Variants in OSBP2 observed in about 807,000 individuals in gnomAD.
The protein encoded by OSBP2 is oxysterol binding protein 2.
Under a neutral mutation model 96.0 loss-of-function variants are expected in OSBP2, and 66 were observed. The observed-to-expected ratio is 0.69, with a 90% CI of 0.56 to 0.84. The LOEUF is 0.84. Ranked by LOEUF, OSBP2 falls within the 40% of genes least tolerant of loss-of-function variation. OSBP2 has a pLI of 0.00. For missense variants in OSBP2, 1,038 were observed against 1,222.7 expected (o/e 0.85, Z 2.25); for synonymous variants, 525 against 520.9 (o/e 1.01, Z -0.11).
rs146867118 is a variant in OSBP2 at position 30,809,723 on chromosome 22, G to A, written c.854-60706G>A. ...GAGCAGATGGTAATTTCAGTAAATT[G>A]TCCCCATAATGTCATGGAAGATGGA... On this transcript the variant is annotated intron_variant, in intron 2 of 13. Transcript: ENST00000332585. 2.5e-4 allele frequency among the ~76,000 whole-genome samples: 38 copies of A among 152,326 alleles called. 1 individual carries two copies. In the Middle Eastern group the frequency reaches 0.027, roughly 109 times the overall value.
chr22:30,741,403 G>A (rs1295428823), intron 2 of OSBP2, 34 bp downstream of exon 2: 4 of 1,539,570 alleles, frequency 2.6e-6, no homozygotes, highest in Non-Finnish European at 3.5e-6. Flanking sequence ...GTGTGTATAT[G>A]GTGGTGTCAT....
chr22:30,794,620 A>G (rs953959033), intron 2 of OSBP2, among the ~76,000 whole-genome samples: 4 of 151,766 alleles, frequency 2.6e-5, no homozygotes, highest in African/African-American at 9.7e-5. Flanking sequence ...ATATATTATA[A>G]TCTACTTTAA....
intron 2 of OSBP2, among the ~76,000 whole-genome samples, chr22:30,779,720 T>C (rs1455928048): frequency 6.6e-6 from 1 of 152,194 alleles, no homozygotes; most frequent in Non-Finnish European, 1.5e-5. Flanking sequence ...GTACCTTTTT[T>C]TCAAAGTATC....
chr22:30,879,142 G>A (rs989965673), intron 3 of OSBP2, among the ~76,000 whole-genome samples: 2 of 152,216 alleles, frequency 1.3e-5, no homozygotes, highest in Non-Finnish European at 2.9e-5. Context: ...AGGAGATCAC[G>A]TGGGGCTCCT....
intron 2 of OSBP2, among the ~76,000 whole-genome samples, chr22:30,830,323 T>G (rs2038494570): frequency 6.6e-6 from 1 of 152,206 alleles, no homozygotes. Flanking sequence ...TAGTAGTTGC[T>G]CACACTGGGT....
At chr22:30,799,506 T>C (rs1308267394) in intron 2 of OSBP2, among the ~76,000 whole-genome samples, 1 of 152,338 alleles carries the variant, frequency 6.6e-6, no homozygotes, top group African/African-American at 2.4e-5. Flanking sequence ...TGCCTTCTTA[T>C]TACAGATGAG....
chr22:30,888,373 C>A (rs368407878), intron 5 of OSBP2, 33 bp downstream of exon 5: 9 of 1,293,620 alleles, frequency 7.0e-6, no homozygotes, highest in East Asian at 2.3e-5. Flanking sequence ...GAGCCTCCCC[C>A]ACCCTGGTCT....
At chr22:30,878,347 A>C (rs1243539912) in intron 3 of OSBP2, among the ~76,000 whole-genome samples, 2 of 152,240 alleles carry the variant, frequency 1.3e-5, no homozygotes, top group African/African-American at 4.8e-5. Flanking sequence ...CCTTGGGCAG[A>C]GAAAGTAGAG....
At chr22:30,841,838 A>G (rs2038758946) in intron 2 of OSBP2, among the ~76,000 whole-genome samples, 1 of 152,168 alleles carries the variant, frequency 6.6e-6, no homozygotes, top group Non-Finnish European at 1.5e-5. Flanking sequence ...TCTGTACCAA[A>G]AACAACAAAA....
intron 1 of OSBP2, among the ~76,000 whole-genome samples, chr22:30,731,243 G>A (rs1021328318): frequency 6.6e-6 from 1 of 152,072 alleles, no homozygotes; most frequent in African/African-American, 2.4e-5. Flanking sequence ...GGGCAGTGAA[G>A]GAGCAATGGC....
At position 30,695,473 on chromosome 22, in the gene OSBP2, G is replaced by C. The variant is rs989164087; in HGVS notation, c.564G>C (p.Trp188Cys). Residue 188 changes from tryptophan (W) to cysteine (C), a missense_variant, in exon 1 of 14, where the codon TGG (tryptophan) becomes TGC (cysteine). Around this residue, in one of 3 missense-constraint regions of OSBP2, gnomAD observed 281 missense variants for 273.4 expected, o/e 1.03. Coordinates refer to ENST00000332585, the MANE Select transcript of OSBP2 (RefSeq NM_030758.4). ...ALLPLDSFEGWLLKWTNYLKG... is the reference protein window; with the variant it reads ...ALLPLDSFEGCLLKWTNYLKG... ...TGCCTCTGGACAGCTTCGAGGGCTGGCTTCTCAAGTGGACCAACTATCTGA... is the reference window on the plus strand; with the variant it reads ...TGCCTCTGGACAGCTTCGAGGGCTGCCTTCTCAAGTGGACCAACTATCTGA... 1.1e-5 allele frequency: 18 copies of C among 1,613,286 alleles called. No homozygotes were observed. The African/African-American group carries it at 1.3e-4, about 12-fold the overall frequency.
intron 2 of OSBP2, among the ~76,000 whole-genome samples, chr22:30,778,951 G>T (rs963727230): frequency 6.6e-6 from 1 of 150,708 alleles, no homozygotes; most frequent in African/African-American, 2.4e-5. Context: ...CAAGAGAATC[G>T]CTTGAACCTG....
intron 3 of OSBP2, among the ~76,000 whole-genome samples, chr22:30,886,555 C>A: frequency 6.6e-6 from 1 of 152,152 alleles, no homozygotes; most frequent in African/African-American, 2.4e-5. Flanking sequence ...TTTACAGATG[C>A]ACGTTTTCCC....
chr22:30,790,432 A>G (rs2090657738), intron 2 of OSBP2, among the ~76,000 whole-genome samples: 1 of 152,142 alleles, frequency 6.6e-6, no homozygotes, highest in Admixed American at 6.5e-5. Context: ...GGCATGGGAA[A>G]GAGGACAAAG....
At chr22:30,774,722 G>A (rs1602244920) in intron 2 of OSBP2, among the ~76,000 whole-genome samples, 1 of 152,264 alleles carries the variant, frequency 6.6e-6, no homozygotes, top group Non-Finnish European at 1.5e-5. Flanking sequence ...TTTTATAACT[G>A]ACTCATTAAA....
chr22:30,752,234 T>G (rs1291307034), intron 2 of OSBP2, among the ~76,000 whole-genome samples: 1 of 151,144 alleles, frequency 6.6e-6, no homozygotes, highest in Non-Finnish European at 1.5e-5. Context: ...TTGCCTAAAA[T>G]GAGCTGAAGG....
At chr22:30,825,980 A>G (rs559892155) in intron 2 of OSBP2, among the ~76,000 whole-genome samples, 2 of 152,292 alleles carry the variant, frequency 1.3e-5, no homozygotes, top group East Asian at 3.9e-4. Flanking sequence ...ATACCAGGTC[A>G]GGCGGTTAGG....
Position 30,890,894 on chromosome 22 carries a change from AGC to A in OSBP2, c.1791_1792del (p.Lys597AsnfsTer25). 6.2e-7 allele frequency: 1 copy of A among 1,613,588 alleles called. No individual in the cohort carries two copies. The highest frequency in any genetic ancestry group is 8.5e-7 in the Non-Finnish European group (1 of 1,180,028). On this transcript the variant is annotated frameshift_variant, in exon 8 of 14. Coordinates refer to ENST00000332585, the MANE Select transcript of OSBP2 (RefSeq NM_030758.4). LOFTEE classifies it high-confidence loss of function. The surrounding 1 kb of genome is among the most constrained non-coding windows in gnomAD (Gnocchi z 4.4). ...TCCACCACAGTGCACCGCATCGCCAAGCCCTTCAACCCCATGCTGGGGGAGAC... is the reference window on the plus strand; with the variant it reads ...TCCACCACAGTGCACCGCATCGCCAACCTTCAACCCCATGCTGGGGGAGAC...
chr22:30,765,276 C>T (rs1276428066), intron 2 of OSBP2, among the ~76,000 whole-genome samples: 1 of 152,070 alleles, frequency 6.6e-6, no homozygotes, highest in Non-Finnish European at 1.5e-5. Flanking sequence ...GTGGTACGAT[C>T]TCAGCTCACT....
Sources: allele counts gnomAD v4.1 joint callset (sites outside exome capture counted in the v4.1 genomes callset), GRCh38; gene constraint gnomAD v4.1.1; regional missense constraint gnomAD v4.1.1; non-coding constraint Gnocchi (gnomAD v3.1); transcripts MANE v1.5; gene names NCBI Gene and HGNC (gene_info 2026-07-23, HGNC 2026-07-21).